Variants in RRM2 observed in about 807,000 individuals in gnomAD.
The protein encoded by RRM2 is ribonucleoside-diphosphate reductase subunit M2.
In RRM2, 6 loss-of-function variants were observed where a neutral mutation model predicts 45.9. That is an observed-to-expected ratio of 0.13 (90% CI 0.07 to 0.26). RRM2 has a LOEUF of 0.26. Ranked by LOEUF, RRM2 falls within the 10% of genes least tolerant of loss-of-function variation. The pLI is 1.00. For synonymous variants in RRM2, 177 were observed against 173.0 expected (o/e 1.02, Z -0.18); for missense variants, 343 against 489.5 (o/e 0.70, Z 2.82).
chr2:10,124,273 T>C (rs1176780999), intron 4 of RRM2, among the ~76,000 whole-genome samples: 1 of 152,068 alleles, frequency 6.6e-6, no homozygotes, highest in African/African-American at 2.4e-5. Context: ...GCCTAGCTAA[T>C]ATCTGTATTT....
chr2:10,197,660 A>G (rs986629126), intron 3 of RRM2, among the ~76,000 whole-genome samples: 14 of 152,186 alleles, frequency 9.2e-5, no homozygotes, highest in African/African-American at 3.4e-4. Context: ...CGTGGCCCCC[A>G]GTGCTCCTGG....
chr2:10,174,574 T>TAAAA (rs5829250), intron 3 of RRM2, among the ~76,000 whole-genome samples: 2 of 143,506 alleles, frequency 1.4e-5, no homozygotes, highest in African/African-American at 2.6e-5. Context: ...ATTATTTCCT[T>TAAAA]AAAAAAAAAA....
intron 2 of RRM2, chr2:10,142,240 GATTTC>G: frequency 1.3e-6 from 2 of 1,505,654 alleles, no homozygotes; most frequent in Non-Finnish European, 1.8e-6. Flanking sequence ...AAAGAGTCTG[GATTTC>G]ATTTCTAAGG....
chr2:10,135,066 C>T (rs1662967276), downstream of RRM2, among the ~76,000 whole-genome samples: 1 of 152,146 alleles, frequency 6.6e-6, no homozygotes, highest in Non-Finnish European at 1.5e-5. Flanking sequence ...AATCATTGGA[C>T]AAAATTATTA....
Position 10,162,959 on chromosome 2 carries a change from A to G in RRM2, n.482+20584A>G, listed in dbSNP as rs530255091. ...CCCAGCCTGGCTGGCTGCTTCCAAG[A>G]ATAGAGTAGACAGAGTCTGCACGGG... On this transcript the variant is annotated intron_variant and non_coding_transcript_variant, in intron 3 of 3. Coordinates refer to the RRM2 transcript ENST00000381786. 2.7e-3 allele frequency among the ~76,000 whole-genome samples: 407 copies of G among 152,272 alleles called. 1 individual carries two copies. Among genetic ancestry groups the G allele is most frequent in the Non-Finnish European group, 4.6e-3 (311 of 68,008 alleles).
chr2:10,190,569 ATGGTGATGATCATGGTGATGG>A (rs1463597084), intron 3 of RRM2, among the ~76,000 whole-genome samples: 3 of 145,702 alleles, frequency 2.1e-5, no homozygotes, highest in Non-Finnish European at 4.5e-5. Context: ...GGTGGTGATG[ATGGTGATGATCATGGTGATGG>A]TGGTGATGTT....
At chr2:10,143,470 G>A (rs771318057) in intron 3 of RRM2, among the ~76,000 whole-genome samples, 2 of 152,216 alleles carry the variant, frequency 1.3e-5, no homozygotes, top group African/African-American at 4.8e-5. Context: ...GATGGGGTCC[G>A]TGTCCTCCGG....
chr2:10,171,745 G>C lies in RRM2; in HGVS notation n.482+29370G>C, dbSNP rs899652110. 1.3e-5 allele frequency among the ~76,000 whole-genome samples: 2 copies of C among 152,206 alleles called. No homozygotes were observed. The highest frequency in any genetic ancestry group is 4.8e-5 in the African/African-American group (2 of 41,452). Reference sequence around the variant, plus strand: ...CAGGAATGAATCCTACTCAGCTGCAGAATAGTCACAGACACCTCTCCACCA... The same window carrying C: ...CAGGAATGAATCCTACTCAGCTGCACAATAGTCACAGACACCTCTCCACCA... On this transcript the variant is annotated intron_variant and non_coding_transcript_variant, in intron 3 of 3. Coordinates refer to the RRM2 transcript ENST00000381786. This position sits in a 1 kb window ranked among gnomAD's most constrained non-coding sequence, Gnocchi z 4.1.
intron 3 of RRM2, among the ~76,000 whole-genome samples, chr2:10,152,439 CT>C (rs1016706176): frequency 6.9e-6 from 1 of 145,194 alleles, no homozygotes; most frequent in African/African-American, 2.5e-5. Flanking sequence ...TTTACTGTTG[CT>C]TTTTTTTCTT....
At chr2:10,140,670 C>T (rs143416837), upstream of RRM2, among the ~76,000 whole-genome samples, 44 of 152,190 alleles carry the variant, frequency 2.9e-4, 1 homozygote, top group East Asian at 9.6e-4. Flanking sequence ...AATAGCAGAA[C>T]GTAAAGTTAT....
At position 10,195,414 on chromosome 2, in the gene RRM2, C is replaced by T. The variant is rs952341972; in HGVS notation, n.483-14897C>T. ...GTGCTGGCGGAGCCCTGGGGAGCAC[C>T]GAGTCCCCGCCGTGATGGGTCCCTG... On this transcript the variant is annotated intron_variant and non_coding_transcript_variant, in intron 3 of 3. Coordinates refer to the RRM2 transcript ENST00000381786. The surrounding 1 kb of genome is among the most constrained non-coding windows in gnomAD (Gnocchi z 4.9). Among the ~76,000 whole-genome samples the T allele has an allele frequency of 5.3e-5, 8 of 152,044 alleles. No homozygotes were observed. Among genetic ancestry groups the T allele is most frequent in the Admixed American group, 2.6e-4 (4 of 15,250 alleles).
chr2:10,151,956 ATT>A (rs34644213), intron 3 of RRM2, among the ~76,000 whole-genome samples: 6 of 149,218 alleles, frequency 4.0e-5, no homozygotes, highest in Non-Finnish European at 3.0e-5. Flanking sequence ...TTTTTATTTT[ATT>A]TTTTTTTTGA....
At chr2:10,166,006 C>T (rs563632802) in intron 3 of RRM2, among the ~76,000 whole-genome samples, 2 of 152,270 alleles carry the variant, frequency 1.3e-5, no homozygotes, top group African/African-American at 2.4e-5. Flanking sequence ...GGGCAGCCAG[C>T]GGCCCGGAGG....
At chr2:10,210,815 G>A in exon 4 of RRM2, 1 of 366,106 alleles carries the variant, frequency 2.7e-6, no homozygotes, top group East Asian at 7.5e-5. Flanking sequence ...CCTTTGGGAG[G>A]TGGTTAGGCC....
At position 10,206,400 on chromosome 2, in the gene RRM2, A is replaced by G. The variant is rs146731354; in HGVS notation, n.483-3911A>G. Among the ~76,000 whole-genome samples the G allele has an allele frequency of 4.0e-3, 609 of 152,370 alleles. 5 individuals are homozygous for G. The highest frequency in any genetic ancestry group is 0.014 in the African/African-American group (573 of 41,582). ...AGTTGTATTCACCATAACTAAAAAT[A>G]TAAGCCACCTAAACATCTATTATGT... On this transcript the variant is annotated intron_variant and non_coding_transcript_variant, in intron 3 of 3. Transcript: ENST00000381786.
intron 3 of RRM2, among the ~76,000 whole-genome samples, chr2:10,173,163 C>T (rs945267886): frequency 9.9e-5 from 15 of 152,048 alleles, no homozygotes; most frequent in African/African-American, 3.6e-4. Flanking sequence ...ATAAATAGCC[C>T]CTACCTCCTA....
At chr2:10,134,781 G>C (rs1662963721), downstream of RRM2, among the ~76,000 whole-genome samples, 1 of 152,216 alleles carries the variant, frequency 6.6e-6, no homozygotes, top group African/African-American at 2.4e-5. Flanking sequence ...TTGTGAGTTG[G>C]AAGGGATGTA....
intron 3 of RRM2, among the ~76,000 whole-genome samples, chr2:10,197,410 C>T (rs917386892): frequency 6.6e-6 from 1 of 152,200 alleles, no homozygotes. Context: ...GACTCCTGGG[C>T]ACAGGGGCTG....
chr2:10,158,256 G>A (rs978860234), intron 3 of RRM2, among the ~76,000 whole-genome samples: 1 of 152,172 alleles, frequency 6.6e-6, no homozygotes, highest in Non-Finnish European at 1.5e-5. Context: ...TTGTTGAGTG[G>A]GTGAGGGGGT....
Sources: gnomAD v4.1 joint callset for allele counts (sites outside exome capture counted in the v4.1 genomes callset) on GRCh38, gnomAD v4.1.1 for gene constraint, Gnocchi (gnomAD v3.1) non-coding constraint, MANE v1.5 for transcripts, NCBI Gene and HGNC (gene_info 2026-07-23, HGNC 2026-07-21) for gene names.